VSTM1: variants seen among roughly 807,000 people sequenced by gnomAD.
VSTM1 encodes V-set and transmembrane domain containing 1, also known as V-set and transmembrane domain-containing protein 1.
A neutral mutation model predicts 33.1 loss-of-function variants in VSTM1; 27 were observed. The observed-to-expected ratio is 0.82, with a 90% confidence interval of 0.60 to 1.12. The LOEUF is 1.12. VSTM1 is among the 50% of genes most tolerant of loss of function. The pLI, the probability that VSTM1 is intolerant of heterozygous loss-of-function variation, is 0.00. For synonymous variants in VSTM1, 115 were observed against 110.3 expected, an observed-to-expected ratio of 1.04 and a Z score of -0.27; for missense variants, 304 against 288.9, an observed-to-expected ratio of 1.05 and a Z score of -0.38.
intron 4 of VSTM1, among the ~76,000 whole-genome samples, chr19:54,042,810 A>ATATAAATGTG (rs2070365672): frequency 5.5e-5 from 2 of 36,264 alleles, no homozygotes; most frequent in Non-Finnish European, 1.3e-4. Context: ...AAATGTGTAT[A>ATATAAATGTG]TATATATATA....
Position 54,058,248 on chromosome 19 carries a change from A to G in VSTM1, c.355+58T>C, listed in dbSNP as rs1328166353. ...CAGCAAGACTCTGTCTTAAAAAAAA[A>G]AAAGCAAAGCCAAACCAAAGAAATG... is the stretch of plus-strand genomic sequence containing the variant. On this transcript the variant is annotated intron_variant, in intron 3 of 8. Coordinates refer to ENST00000338372, the MANE Select transcript of VSTM1 (RefSeq NM_198481.4). 5 of 1,555,246 alleles carry G rather than the reference A, an allele frequency of 3.2e-6. No individual in the cohort carries two copies. The East Asian group carries it at 1.1e-4, about 35-fold the overall frequency.
At chr19:54,063,067 G>C (rs1051361937) in intron 1 of VSTM1, among the ~76,000 whole-genome samples, 1 of 152,202 alleles carries the variant, frequency 6.6e-6, no homozygotes, top group African/African-American at 2.4e-5. Flanking sequence ...GCCAGGTGTG[G>C]TGGCTCACGC....
chr19:54,052,203 C>T (rs2070877160), intron 3 of VSTM1, among the ~76,000 whole-genome samples: 3 of 151,090 alleles, frequency 2.0e-5, no homozygotes, highest in South Asian at 4.2e-4. Context: ...TCGAGACCAT[C>T]CTGGCTAACA....
At chr19:54,061,718 C>T (rs958954773) in intron 1 of VSTM1, among the ~76,000 whole-genome samples, 5 of 151,830 alleles carry the variant, frequency 3.3e-5, no homozygotes, top group East Asian at 1.9e-4. Context: ...CAGAAGGCTG[C>T]GGGGAGGACT....
At chr19:54,051,983 A>G (rs2070861755) in intron 3 of VSTM1, among the ~76,000 whole-genome samples, 1 of 151,278 alleles carries the variant, frequency 6.6e-6, no homozygotes, top group Non-Finnish European at 1.5e-5. Context: ...CTGGTCTCAA[A>G]CTCCTGGCCT....
At chr19:54,059,770 G>A (rs913894209) in intron 1 of VSTM1, among the ~76,000 whole-genome samples, 2 of 151,756 alleles carry the variant, frequency 1.3e-5, no homozygotes, top group Admixed American at 6.6e-5. Flanking sequence ...CACCGTGCCC[G>A]GCCTGATTGC....
chr19:54,050,190 G>C (rs1464987534), intron 4 of VSTM1, among the ~76,000 whole-genome samples: 1 of 151,168 alleles, frequency 6.6e-6, no homozygotes, highest in East Asian at 1.9e-4. Context: ...GTAGAGACAG[G>C]GTTTCACCAT....
At chr19:54,057,731 C>A (rs2071170643) in intron 3 of VSTM1, among the ~76,000 whole-genome samples, 1 of 151,068 alleles carries the variant, frequency 6.6e-6, no homozygotes, top group African/African-American at 2.4e-5. Flanking sequence ...ATTGCATGAA[C>A]CCAGGAGGCG....
chr19:54,048,358 C>T (rs1309822952), intron 4 of VSTM1: 1 of 399,172 alleles, frequency 2.5e-6, no homozygotes, highest in East Asian at 8.8e-5. Flanking sequence ...TCAAGTGATC[C>T]TCCTGCCTCA....
At chr19:54,041,369 T>C (rs1488490564) in intron 8 of VSTM1, among the ~76,000 whole-genome samples, 1 of 152,034 alleles carries the variant, frequency 6.6e-6, no homozygotes, top group African/African-American at 2.4e-5. Context: ...TGGCGTGATC[T>C]CGGCTCACTG....
rs770570299 is a variant in VSTM1 at position 54,058,745 on chromosome 19, T to A, written c.35-13A>T. 6 of 1,613,322 alleles carry A rather than the reference T, an allele frequency of 3.7e-6. No individual in the cohort carries two copies. In the Admixed American group the frequency reaches 8.4e-5, roughly 22 times the overall value. ...CCCAGACACAGCCCTGGAAGAGAAA[T>A]CTCAATGAGAGAAAAATTATGTGCT... On this transcript the variant is annotated splice_polypyrimidine_tract_variant and intron_variant, in intron 1 of 8. Coordinates refer to ENST00000338372, the MANE Select transcript of VSTM1 (RefSeq NM_198481.4).
At chr19:54,048,173 T>C (rs1047652056) in intron 4 of VSTM1, among the ~76,000 whole-genome samples, 2 of 152,198 alleles carry the variant, frequency 1.3e-5, no homozygotes, top group Non-Finnish European at 2.9e-5. Flanking sequence ...TGGAGTGCTG[T>C]GGCGCAATCA....
rs371124976 is a variant in VSTM1, at chr19:54,049,874, T to C, written c.394+1536A>G. ...GAGTAGGTTGCAGGAAGATTATGACTTGCTGAAAGGAAGGATGATTAAGCA... is the reference window on the plus strand; with the variant it reads ...GAGTAGGTTGCAGGAAGATTATGACCTGCTGAAAGGAAGGATGATTAAGCA... On this transcript the variant is annotated intron_variant, in intron 4 of 8. Coordinates refer to ENST00000338372, the MANE Select transcript of VSTM1 (RefSeq NM_198481.4). Among the ~76,000 whole-genome samples the C allele has an allele frequency of 7.9e-5, 12 of 152,258 alleles. No homozygotes were observed. The East Asian group carries it at 1.9e-3, about 24-fold the overall frequency.
At chr19:54,058,179 G>T (rs1209906688) in intron 3 of VSTM1, 127 bp downstream of exon 3, 54 of 1,013,134 alleles carry the variant, frequency 5.3e-5, no homozygotes, top group Non-Finnish European at 7.1e-5. Flanking sequence ...GGCAGAAGTT[G>T]CAGTGAGCCG....
At chr19:54,051,846 C>T (rs186862474) in intron 3 of VSTM1, among the ~76,000 whole-genome samples, 8 of 152,104 alleles carry the variant, frequency 5.3e-5, no homozygotes, top group African/African-American at 1.2e-4. Context: ...CTGCAACCTC[C>T]GCCTCCCGGG....
At chr19:54,049,485 AG>A (rs1344365234) in intron 4 of VSTM1, among the ~76,000 whole-genome samples, 1 of 152,188 alleles carries the variant, frequency 6.6e-6, no homozygotes, top group African/African-American at 2.4e-5. Context: ...ACACTTTACA[AG>A]GGTGAATTTT....
Position 54,042,327 on chromosome 19 carries a change from A to T in VSTM1, c.437T>A (p.Ile146Asn), listed in dbSNP as rs2070328648. 1.2e-6 allele frequency: 2 copies of T among 1,613,682 alleles called. No individual in the cohort carries two copies. Among genetic ancestry groups the T allele is most frequent in the African/African-American group, 2.7e-5 (2 of 74,830 alleles). Residue 146 changes from isoleucine (I) to asparagine (N), a missense_variant, in exon 5 of 9, where the codon ATC (isoleucine) becomes AAC (asparagine). Coordinates refer to ENST00000338372, the MANE Select transcript of VSTM1 (RefSeq NM_198481.4). ...GAAGACTGAGAGGAAGAGGAGAAGG[A>T]TGGAGATGCAGCTGAAGATGGCGAC... ...IFVAIFSCIS[I>N]LLLFLSVFII...
At chr19:54,046,263 G>GCTCA (rs1416724291) in intron 4 of VSTM1, among the ~76,000 whole-genome samples, 2 of 152,132 alleles carry the variant, frequency 1.3e-5, no homozygotes, top group Non-Finnish European at 2.9e-5. Flanking sequence ...CTGATCATCA[G>GCTCA]GGAGCAGCAA....
At chr19:54,042,824 A>ATG (rs1225432127) in intron 4 of VSTM1, among the ~76,000 whole-genome samples, 2 of 59,964 alleles carry the variant, frequency 3.3e-5, no homozygotes, top group African/African-American at 6.4e-5. Context: ...ATATATATAT[A>ATG]TATATATATA....
Sources: allele counts gnomAD v4.1 joint callset (sites outside exome capture counted in the v4.1 genomes callset), GRCh38; gene constraint gnomAD v4.1.1; transcripts MANE v1.5; gene names NCBI Gene and HGNC (gene_info 2026-07-23, HGNC 2026-07-21).